The following MUC7 variants were observed in gnomAD, a reference collection of about 807,000 sequenced individuals.
MUC7 encodes mucin 7, secreted.
A neutral mutation model predicts 2.5 loss-of-function variants in MUC7; 2 were observed. That is an observed-to-expected ratio of 0.81 (90% CI 0.33 to 2.55). The LOEUF is 2.55. MUC7 is among the 30% of genes most tolerant of loss of function. The probability of loss-of-function intolerance (pLI) is 0.11; values close to 1 mark genes in which losing one functional copy is unlikely to be tolerated. For missense variants in MUC7, 408 were observed against 455.6 expected (o/e 0.90, Z 0.95); for synonymous variants, 133 against 173.4 (o/e 0.77, Z 1.83).
rs780039237 is a variant in MUC7 at position 70,481,878 on chromosome 4, G to A, written c.1134G>A (p.Ter378=). The change falls in exon 3 of 3, where the codon TAG becomes TAA. Residue 378 remains the stop codon, a stop_retained_variant. Transcript: ENST00000304887. ...NRIIDDMVEQ[*] is the part of the protein sequence containing the mutation. ...TTATTGACGACATGGTGGAGCAATA[G>A]TATATTGTATGTTGTAAAGTGTTCT... is the stretch of plus-strand genomic sequence containing the variant. 8 of 1,612,572 alleles carry A rather than the reference G, an allele frequency of 5.0e-6. No individual in the cohort carries two copies. In the South Asian group the frequency reaches 5.5e-5, roughly 11 times the overall value.
At chr4:70,458,516 G>C (rs1337682419) in intron 1 of MUC7, among the ~76,000 whole-genome samples, 1 of 151,474 alleles carries the variant, frequency 6.6e-6, no homozygotes, top group Non-Finnish European at 1.5e-5. Context: ...TCTAACATTA[G>C]AATTAATGGC....
At chr4:70,469,710 A>G (rs1464055646), upstream of MUC7, among the ~76,000 whole-genome samples, 1 of 152,356 alleles carries the variant, frequency 6.6e-6, no homozygotes, top group East Asian at 1.9e-4. Flanking sequence ...ACAATGAGAT[A>G]CCATCTCAAG....
intron 1 of MUC7, among the ~76,000 whole-genome samples, chr4:70,464,734 G>A (rs893108707): frequency 6.6e-6 from 1 of 152,166 alleles, no homozygotes; most frequent in African/African-American, 2.4e-5. Context: ...TGAAAGAAAG[G>A]CAAGCAGCCC....
intron 1 of MUC7, among the ~76,000 whole-genome samples, chr4:70,458,292 C>A (rs187890529): frequency 4.3e-4 from 66 of 151,884 alleles, no homozygotes; most frequent in African/African-American, 1.5e-3. Flanking sequence ...AAAAAAGAAA[C>A]CCTCTTAGCA....
At chr4:70,446,270 A>C (rs866373372) in intron 1 of MUC7, among the ~76,000 whole-genome samples, 2 of 152,238 alleles carry the variant, frequency 1.3e-5, no homozygotes, top group Non-Finnish European at 2.9e-5. Flanking sequence ...CTTACTAAGA[A>C]ACCCTTGTCT....
Position 70,481,939 on chromosome 4 carries a change from A to AC in MUC7, c.*63dup. On this transcript the variant is annotated 3_prime_UTR_variant, in exon 3 of 3. Coordinates refer to ENST00000304887, the MANE Select transcript of MUC7 (RefSeq NM_152291.3). ...AGATGTGATTCATGAGTGCAGAACT[A>AC]CCACCTTTCTTTTAGCACCAATCCC... 6.5e-7 allele frequency: 1 copy of AC among 1,542,986 alleles called. No individual in the cohort carries two copies. Among genetic ancestry groups the AC allele is most frequent in the South Asian group, 1.3e-5 (1 of 79,600 alleles).
intron 1 of MUC7, among the ~76,000 whole-genome samples, chr4:70,431,927 G>C (rs1733678458): frequency 6.6e-6 from 1 of 152,004 alleles, no homozygotes; most frequent in African/African-American, 2.4e-5. Flanking sequence ...GCCCCGGTGT[G>C]TGATATTCCC....
intron 1 of MUC7, among the ~76,000 whole-genome samples, chr4:70,436,909 G>A (rs1452023465): frequency 6.6e-6 from 1 of 152,114 alleles, no homozygotes; most frequent in African/African-American, 2.4e-5. Context: ...TGTTGATGTT[G>A]ATGCTATTTC....
chr4:70,482,089 G>A lies in MUC7; in HGVS notation c.*211G>A, dbSNP rs972330792. On this transcript the variant is annotated 3_prime_UTR_variant, in exon 3 of 3. Coordinates refer to ENST00000304887, the MANE Select transcript of MUC7 (RefSeq NM_152291.3). Reference sequence around the variant, plus strand: ...TCCCACAAGCCAGATGCAGGTCTGGGGTTCAAAATAACTCTTTGGATCCTA... The same window carrying A: ...TCCCACAAGCCAGATGCAGGTCTGGAGTTCAAAATAACTCTTTGGATCCTA... The A allele has an allele frequency of 3.3e-6, 2 of 610,860 alleles. No homozygotes were observed. The highest frequency in any genetic ancestry group is 3.0e-5 in the East Asian group (1 of 33,252). 37.8% of individuals were successfully genotyped at this position (610,860 alleles called of 1,614,324 possible). A position where few individuals can be genotyped will look rare whatever the true frequency, so the allele number is the denominator to read the frequency against.
At chr4:70,450,748 A>G (rs1734259293) in intron 1 of MUC7, among the ~76,000 whole-genome samples, 1 of 152,124 alleles carries the variant, frequency 6.6e-6, no homozygotes, top group Non-Finnish European at 1.5e-5. Flanking sequence ...TTTTCTGGGA[A>G]CTAGGGCCTG....
intron 1 of MUC7, among the ~76,000 whole-genome samples, chr4:70,458,620 T>C (rs1734468387): frequency 6.6e-6 from 1 of 151,884 alleles, no homozygotes; most frequent in African/African-American, 2.4e-5. Flanking sequence ...GTAAGCATCC[T>C]AAACTAAGAT....
intron 1 of MUC7, among the ~76,000 whole-genome samples, chr4:70,452,953 A>T (rs1038910874): frequency 2.7e-4 from 41 of 152,132 alleles, no homozygotes; most frequent in African/African-American, 9.9e-4. Flanking sequence ...GGATATTTTC[A>T]CCAGATATAC....
Position 70,464,510 on chromosome 4 carries a change from G to A in MUC7, c.-92-7705G>A, listed in dbSNP as rs187010189. Among the ~76,000 whole-genome samples the A allele has an allele frequency of 3.1e-3, 473 of 152,228 alleles. 7 individuals are homozygous for A. The highest frequency in any genetic ancestry group is 0.011 in the African/African-American group (452 of 41,524). On this transcript the variant is annotated intron_variant, in intron 1 of 3. Transcript: ENST00000413702. The stretch of plus-strand genomic sequence containing the variant: ...TAAGATACAATGGCTTGAAATTCTC[G>A]CTGCGAGCACAACAGTCTGAAGTCA...
intron 1 of MUC7, among the ~76,000 whole-genome samples, chr4:70,437,091 C>A (rs1392731831): frequency 1.3e-5 from 2 of 152,058 alleles, no homozygotes; most frequent in Admixed American, 6.5e-5. Flanking sequence ...CAGAAGGGTA[C>A]CCACCTGTAT....
chr4:70,469,943 A>G (rs1204321263), upstream of MUC7, among the ~76,000 whole-genome samples: 1 of 152,232 alleles, frequency 6.6e-6, no homozygotes, highest in Admixed American at 6.5e-5. Context: ...ATTCTACTAT[A>G]AAGACATATG....
intron 1 of MUC7, among the ~76,000 whole-genome samples, chr4:70,446,104 A>G (rs932717857): frequency 5.3e-5 from 8 of 152,302 alleles, no homozygotes; most frequent in African/African-American, 1.9e-4. Flanking sequence ...TAGGATCCAC[A>G]TACAGAAGCT....
At chr4:70,462,229 GA>G (rs1217212673) in intron 1 of MUC7, among the ~76,000 whole-genome samples, 1 of 150,356 alleles carries the variant, frequency 6.7e-6, no homozygotes, top group African/African-American at 2.4e-5. Context: ...AAGAAAGAGA[GA>G]GAGAGAGAGA....
At chr4:70,452,275 GACTT>G (rs1374833252) in intron 1 of MUC7, among the ~76,000 whole-genome samples, 14 of 152,178 alleles carry the variant, frequency 9.2e-5, no homozygotes, top group African/African-American at 3.1e-4. Flanking sequence ...GATAAGTAAA[GACTT>G]ACTCCCGCCA....
intron 1 of MUC7, among the ~76,000 whole-genome samples, chr4:70,441,219 C>G (rs1203663640): frequency 1.3e-5 from 2 of 152,006 alleles, no homozygotes; most frequent in Non-Finnish European, 1.5e-5. Context: ...CATATGTTGT[C>G]TATAAATGTA....
Sources: allele counts gnomAD v4.1 joint callset (sites outside exome capture counted in the v4.1 genomes callset), GRCh38; gene constraint gnomAD v4.1.1; transcripts MANE v1.5; gene names NCBI Gene and HGNC (gene_info 2026-07-23, HGNC 2026-07-21).